The following SLC25A46 variants were observed in gnomAD, a reference collection of about 807,000 sequenced individuals.
SLC25A46 encodes the protein solute carrier family 25 member 46.
A neutral mutation model predicts 44.6 loss-of-function variants in SLC25A46; 39 were observed. The observed-to-expected ratio is 0.87, with a 90% CI of 0.68 to 1.14. The LOEUF (loss-of-function observed/expected upper bound fraction) is 1.14. SLC25A46 is among the 50% of genes most tolerant of loss of function. The pLI is 0.00. For missense variants in SLC25A46, 547 were observed against 522.7 expected (o/e 1.05, Z -0.45); for synonymous variants, 202 against 185.8 (o/e 1.09, Z -0.71).
chr5:110,739,080 T>TGGGCTCCGGGC lies in SLC25A46; in HGVS notation c.-33_-23dup. 1 of 1,533,712 alleles carries TGGGCTCCGGGC rather than the reference T, an allele frequency of 6.5e-7. No homozygotes were observed. The highest frequency in any genetic ancestry group is 8.7e-7 in the Non-Finnish European group (1 of 1,144,076). ...TAGGTCGTGGTGGCCCCGGTGGTGG[T>TGGGCTCCGGGC]GGGCTCCGGGCGGGCTCGCGTCATC... On this transcript the variant is annotated 5_prime_UTR_variant, in exon 1 of 8. Coordinates refer to ENST00000355943, the MANE Select transcript of SLC25A46 (RefSeq NM_138773.4).
At chr5:110,758,764 A>C (rs1257492158) in intron 7 of SLC25A46, among the ~76,000 whole-genome samples, 1 of 152,128 alleles carries the variant, frequency 6.6e-6, no homozygotes, top group Non-Finnish European at 1.5e-5. Flanking sequence ...CCTCGGTGAC[A>C]GAGTAAGACT....
upstream of SLC25A46, chr5:110,738,870 C>A: frequency 1.2e-6 from 1 of 850,598 alleles, no homozygotes; most frequent in Non-Finnish European, 1.7e-6. Context: ...CCCACCTATT[C>A]CCTAACGACA....
At chr5:110,741,463 G>C (rs1799688812) in intron 1 of SLC25A46, among the ~76,000 whole-genome samples, 2 of 152,178 alleles carry the variant, frequency 1.3e-5, no homozygotes, top group Admixed American at 6.5e-5. Flanking sequence ...TAATAATTTA[G>C]AGGTGCTTTA....
At chr5:110,755,252 C>T (rs1410143357) in intron 5 of SLC25A46, 1 of 356,820 alleles carries the variant, frequency 2.8e-6, no homozygotes, top group Non-Finnish European at 5.1e-6. Context: ...CCCCTTCTAT[C>T]AGCACGTATG....
intron 5 of SLC25A46, among the ~76,000 whole-genome samples, chr5:110,750,888 G>C (rs551539080): frequency 6.6e-6 from 1 of 152,068 alleles, no homozygotes; most frequent in Admixed American, 6.5e-5. Flanking sequence ...AGAGATGAAG[G>C]AATAACATTA....
rs777283215 is a variant in SLC25A46 at position 110,761,540 on chromosome 5, C to T, written c.1015C>T (p.His339Tyr). ...ACTTTACCCATTGGAAACAGTTTTG[C>T]ACCGCCTTCACATTCAAGGAACACG... Reference protein sequence around the residue: ...VILYPLETVLHRLHIQGTRTI... With the variant: ...VILYPLETVLYRLHIQGTRTI... Residue 339 changes from histidine (H) to tyrosine (Y), a missense_variant, in exon 8 of 8, where the codon CAC (histidine) becomes TAC (tyrosine). Physicochemically the swap from His to Tyr is moderately conservative, Grantham distance 83 (BLOSUM62 2). Transcript: ENST00000355943. The surrounding 1 kb of genome is among the most constrained non-coding windows in gnomAD (Gnocchi z 5.3). The T allele has an allele frequency of 1.2e-6, 2 of 1,613,784 alleles. No individual in the cohort carries two copies. Among genetic ancestry groups the T allele is most frequent in the Non-Finnish European group, 1.7e-6 (2 of 1,179,804 alleles).
intron 7 of SLC25A46, 102 bp downstream of exon 7, chr5:110,756,861 T>C: frequency 1.5e-6 from 1 of 649,168 alleles, no homozygotes. Context: ...ATTTTAAGAC[T>C]ATGTCTTAAA....
Position 110,762,649 on chromosome 5 carries a change from A to C in SLC25A46, c.*867A>C, listed in dbSNP as rs1800285550. 1 of 151,844 alleles carries C rather than the reference A, an allele frequency of 6.6e-6. No homozygotes were observed. The highest frequency in any genetic ancestry group is 6.6e-5 in the Admixed American group (1 of 15,200). 9.4% of individuals were successfully genotyped at this position (151,844 alleles called of 1,614,324 possible). A position where few individuals can be genotyped will look rare whatever the true frequency, so the allele number is the denominator to read the frequency against. On this transcript the variant is annotated 3_prime_UTR_variant, in exon 8 of 8. Coordinates refer to ENST00000355943, the MANE Select transcript of SLC25A46 (RefSeq NM_138773.4). Reference sequence around the variant, plus strand: ...TTGGGCTGTTTTTAGAGCCACTGTTAAGAGAGAATATAAAATAATCATGAC... The same window carrying C: ...TTGGGCTGTTTTTAGAGCCACTGTTCAGAGAGAATATAAAATAATCATGAC...
At chr5:110,752,130 G>C (rs966698181) in intron 5 of SLC25A46, among the ~76,000 whole-genome samples, 2 of 151,996 alleles carry the variant, frequency 1.3e-5, no homozygotes, top group African/African-American at 2.4e-5. Context: ...GGTAGAACAG[G>C]GGAGATAGTA....
chr5:110,760,797 G>T (rs1488843831), intron 7 of SLC25A46, among the ~76,000 whole-genome samples: 1 of 152,110 alleles, frequency 6.6e-6, no homozygotes, highest in South Asian at 2.1e-4. Context: ...GCGAAACTGT[G>T]CTTAGGAGAA....
Position 110,763,507 on chromosome 5 carries a change from G to T in SLC25A46, c.*1725G>T, listed in dbSNP as rs1188349175. Reference sequence around the variant, plus strand: ...TTTATGGTGACTATTTTAGATTAAGGTTTACTTTGTCCAACCAATAGCATT... The same window carrying T: ...TTTATGGTGACTATTTTAGATTAAGTTTTACTTTGTCCAACCAATAGCATT... On this transcript the variant is annotated 3_prime_UTR_variant, in exon 8 of 8. Coordinates refer to ENST00000355943, the MANE Select transcript of SLC25A46 (RefSeq NM_138773.4). 1 of 151,616 alleles carries T rather than the reference G, an allele frequency of 6.6e-6. No homozygotes were observed. The allele number at this position is 151,616 out of a possible 1,614,324, so 9.4% of individuals were successfully genotyped here.
At chr5:110,748,826 A>C (rs1799883826) in intron 5 of SLC25A46, among the ~76,000 whole-genome samples, 1 of 152,176 alleles carries the variant, frequency 6.6e-6, no homozygotes, top group Non-Finnish European at 1.5e-5. Context: ...GTATGTATGA[A>C]ATTGAATATC....
intron 5 of SLC25A46, chr5:110,753,419 ATG>A (rs1352701415): frequency 2.6e-5 from 4 of 151,378 alleles, no homozygotes; most frequent in Admixed American, 6.6e-5. Context: ...GCATAGGAGT[ATG>A]TGTTTTGATT....
chr5:110,738,879 C>T, upstream of SLC25A46: 1 of 979,132 alleles, frequency 1.0e-6, no homozygotes, highest in Non-Finnish European at 1.4e-6. Context: ...TCCCTAACGA[C>T]AACAAACTTT....
chr5:110,739,810 T>A (rs1799591243), intron 1 of SLC25A46, among the ~76,000 whole-genome samples: 1 of 152,226 alleles, frequency 6.6e-6, no homozygotes, highest in South Asian at 2.1e-4. Flanking sequence ...CCTTTCAGCA[T>A]AAGCATACTT....
In SLC25A46 at chr5:110,747,841, A is replaced by G. The variant is rs995325150; in HGVS notation, c.463-322A>G. 2.0e-5 allele frequency among the ~76,000 whole-genome samples: 3 copies of G among 152,122 alleles called. No individual in the cohort carries two copies. The South Asian group carries it at 6.2e-4, about 31-fold the overall frequency. ...AAGAATTGGTGTGGTATGAGTGAGT[A>G]TGATTGGGTTAAGTTGTGGATATGT... On this transcript the variant is annotated intron_variant, in intron 4 of 7. Coordinates refer to ENST00000355943, the MANE Select transcript of SLC25A46 (RefSeq NM_138773.4).
At chr5:110,749,328 A>T (rs1012697200) in intron 5 of SLC25A46, among the ~76,000 whole-genome samples, 1 of 151,944 alleles carries the variant, frequency 6.6e-6, no homozygotes. Context: ...CATGGATCAG[A>T]GTAAAAAAAA....
chr5:110,743,290 C>G (rs1265672029), intron 2 of SLC25A46, among the ~76,000 whole-genome samples: 1 of 151,834 alleles, frequency 6.6e-6, no homozygotes, highest in African/African-American at 2.4e-5. Flanking sequence ...TTAAGTGCAC[C>G]AAAACCAAAC....
At position 110,739,267 on chromosome 5, in the gene SLC25A46, C is replaced by A. The variant is rs147648476; in HGVS notation, c.148C>A (p.Pro50Thr). The stretch of plus-strand genomic sequence containing the variant: ...CTGGGTGACGACTCCCCCAGATATC[C>A]CCGGCAGCCGCAACCTGCACTGGGG... ...GHWVTTPPDI[P>T]GSRNLHWGEK... Residue 50 changes from proline to threonine, a missense_variant, in exon 1 of 8, where the codon CCC becomes ACC. Coordinates refer to ENST00000355943, the MANE Select transcript of SLC25A46 (RefSeq NM_138773.4). The A allele has an allele frequency of 5.5e-4, 867 of 1,580,704 alleles. 3 individuals are homozygous for A. Among genetic ancestry groups the A allele is most frequent in the Admixed American group, 7.5e-4 (41 of 54,666 alleles).
Sources: gnomAD v4.1 joint callset for allele counts (sites outside exome capture counted in the v4.1 genomes callset) on GRCh38, gnomAD v4.1.1 for gene constraint, Gnocchi (gnomAD v3.1) non-coding constraint, MANE v1.5 for transcripts, NCBI Gene and HGNC (gene_info 2026-07-23, HGNC 2026-07-21) for gene names.